Variants in KCNH8 observed in about 807,000 individuals in gnomAD.
KCNH8 encodes the protein potassium voltage-gated channel subfamily H member 8.
KCNH8 carries 70 observed loss-of-function variants against 103.6 expected under a neutral mutation model. The observed-to-expected ratio is 0.68, with a 90% CI of 0.56 to 0.82. KCNH8 has a LOEUF of 0.82. Among genes scored for constraint, KCNH8 ranks in the 40% least tolerant of loss-of-function variants. The probability of loss-of-function intolerance (pLI) is 0.00; values close to 1 mark genes in which losing one functional copy is unlikely to be tolerated. For synonymous variants in KCNH8, 498 were observed against 489.4 expected (o/e 1.02, Z -0.23); for missense variants, 1,217 against 1,329.9 (o/e 0.92, Z 1.32).
intron 1 of KCNH8, among the ~76,000 whole-genome samples, chr3:19,248,296 T>A (rs1216941368): frequency 6.6e-6 from 1 of 152,146 alleles, no homozygotes; most frequent in Non-Finnish European, 1.5e-5. Flanking sequence ...ATTATTTGAG[T>A]AGAAACGACA....
At position 19,253,932 on chromosome 3, in the gene KCNH8, C is replaced by T. The variant is rs117407062; in HGVS notation, c.310+45C>T. ...TGCTCACTGGAGAGTAGTGAGAGGC[C>T]GTCTTCTTTCAACCTAGTAATTGCT... On this transcript the variant is annotated intron_variant, in intron 2 of 15. Coordinates refer to ENST00000328405, the MANE Select transcript of KCNH8 (RefSeq NM_144633.3). The T allele has an allele frequency of 8.9e-4, 1,213 of 1,357,720 alleles. 12 individuals are homozygous for T. In the East Asian group the frequency reaches 0.022, roughly 24 times the overall value. The allele number at this position is 1,357,720 out of a possible 1,614,324, so 84.1% of individuals were successfully genotyped here. A position where few individuals can be genotyped will look rare whatever the true frequency, so the allele number is the denominator to read the frequency against.
intron 8 of KCNH8, chr3:19,449,047 G>A: frequency 1.0e-6 from 1 of 979,110 alleles, no homozygotes; most frequent in Non-Finnish European, 1.4e-6. Flanking sequence ...TCTCTGACTT[G>A]ATGATACCTA....
chr3:19,533,342 G>T (rs763426267), intron 15 of KCNH8, 53 bp from the exon 16 acceptor site: 2 of 1,077,296 alleles, frequency 1.9e-6, no homozygotes, highest in African/African-American at 3.1e-5. Context: ...CTGAAATGTG[G>T]TCACTACTAT....
intron 5 of KCNH8, 45 bp from the exon 6 acceptor site, chr3:19,390,434 TTC>T (rs1454124168): frequency 1.2e-5 from 17 of 1,435,748 alleles, no homozygotes; most frequent in Non-Finnish European, 1.6e-5. Context: ...TTCTTTATTC[TTC>T]TCTGTCTCTT....
chr3:19,504,816 C>T (rs2068659078), intron 11 of KCNH8, among the ~76,000 whole-genome samples: 1 of 152,030 alleles, frequency 6.6e-6, no homozygotes, highest in Non-Finnish European at 1.5e-5. Context: ...TCAACAATCA[C>T]ATTATTGGGT....
At chr3:19,341,990 C>CA (rs1291397873) in intron 3 of KCNH8, among the ~76,000 whole-genome samples, 5 of 151,818 alleles carry the variant, frequency 3.3e-5, no homozygotes, top group Non-Finnish European at 5.9e-5. Context: ...CAGATTTTGA[C>CA]AAAAAATCTT....
chr3:19,236,660 C>G (rs966625233), intron 1 of KCNH8, among the ~76,000 whole-genome samples: 4 of 151,878 alleles, frequency 2.6e-5, no homozygotes, highest in Non-Finnish European at 1.5e-5. Context: ...TAAGATGAAA[C>G]AAAGCATAAA....
intron 3 of KCNH8, among the ~76,000 whole-genome samples, chr3:19,285,346 C>T (rs1454651415): frequency 6.6e-6 from 1 of 152,056 alleles, no homozygotes; most frequent in Non-Finnish European, 1.5e-5. Flanking sequence ...AAATCCTTTC[C>T]ACTAAATTTT....
At chr3:19,314,156 T>A (rs144650358) in intron 3 of KCNH8, among the ~76,000 whole-genome samples, 1,659 of 152,130 alleles carry the variant, frequency 0.011, 13 homozygotes, top group Non-Finnish European at 0.018. Context: ...AGAAAAATTG[T>A]TTATTTATAT....
chr3:19,323,728 G>A (rs1037795822), intron 3 of KCNH8, among the ~76,000 whole-genome samples: 3 of 152,086 alleles, frequency 2.0e-5, no homozygotes, highest in Non-Finnish European at 4.4e-5. Flanking sequence ...TTTCCCCTAA[G>A]GATGGGGCTT....
intron 3 of KCNH8, among the ~76,000 whole-genome samples, chr3:19,330,124 G>T: frequency 6.6e-6 from 1 of 151,868 alleles, no homozygotes; most frequent in South Asian, 2.1e-4. Flanking sequence ...ACACCACCAC[G>T]CATAATGTGT....
chr3:19,162,215 A>G (rs1035251701), intron 1 of KCNH8, among the ~76,000 whole-genome samples: 1 of 152,132 alleles, frequency 6.6e-6, no homozygotes, highest in African/African-American at 2.4e-5. Flanking sequence ...AAGCACATTG[A>G]AATGTACTAC....
intron 11 of KCNH8, among the ~76,000 whole-genome samples, chr3:19,471,283 C>A (rs911237841): frequency 6.6e-6 from 1 of 152,202 alleles, no homozygotes; most frequent in Non-Finnish European, 1.5e-5. Flanking sequence ...GCTCCATTTA[C>A]ATGTATTCCT....
intron 5 of KCNH8, among the ~76,000 whole-genome samples, chr3:19,371,794 T>C (rs1237476101): frequency 6.6e-6 from 1 of 151,434 alleles, no homozygotes; most frequent in East Asian, 1.9e-4. Context: ...TTGTATAAGA[T>C]GTAAGGAAGG....
chr3:19,504,850 G>A (rs994682843), intron 11 of KCNH8, among the ~76,000 whole-genome samples: 11 of 151,652 alleles, frequency 7.3e-5, no homozygotes, highest in Non-Finnish European at 1.5e-4. Context: ...AATATACATT[G>A]TTCTACCATA....
chr3:19,443,700 G>A (rs2067316640), intron 8 of KCNH8, among the ~76,000 whole-genome samples: 1 of 151,636 alleles, frequency 6.6e-6, no homozygotes, highest in Non-Finnish European at 1.5e-5. Flanking sequence ...CAGAATTAAT[G>A]AGCGAATTCA....
At chr3:19,344,654 CA>C (rs1187084692) in intron 4 of KCNH8, among the ~76,000 whole-genome samples, 1 of 151,928 alleles carries the variant, frequency 6.6e-6, no homozygotes, top group Non-Finnish European at 1.5e-5. Flanking sequence ...GGCTAAATGG[CA>C]GATAGAAGGA....
intron 7 of KCNH8, among the ~76,000 whole-genome samples, chr3:19,407,840 C>T (rs766302330): frequency 4.6e-5 from 7 of 152,032 alleles, no homozygotes; most frequent in Non-Finnish European, 1.0e-4. Context: ...TTCAGCTGCC[C>T]CTATTACCAT....
At chr3:19,424,137 T>C (rs1360342040) in intron 7 of KCNH8, among the ~76,000 whole-genome samples, 1 of 151,816 alleles carries the variant, frequency 6.6e-6, no homozygotes, top group African/African-American at 2.4e-5. Flanking sequence ...AACCAAAAAG[T>C]TTCCATAGCC....
Sources: allele counts gnomAD v4.1 joint callset (sites outside exome capture counted in the v4.1 genomes callset), GRCh38; gene constraint gnomAD v4.1.1; transcripts MANE v1.5; gene names NCBI Gene and HGNC (gene_info 2026-07-23, HGNC 2026-07-21).